The following CSGALNACT1 variants were observed in gnomAD, a reference collection of about 807,000 sequenced individuals.
CSGALNACT1 encodes the protein beta4GalNAcT-1.
A neutral mutation model predicts 51.0 loss-of-function variants in CSGALNACT1; 52 were observed. The observed-to-expected ratio is 1.02, with a 90% CI of 0.82 to 1.29. CSGALNACT1 has a LOEUF of 1.29. Among genes scored for constraint, CSGALNACT1 ranks in the 50% most tolerant of loss-of-function variants. CSGALNACT1 has a pLI of 0.00. For synonymous variants in CSGALNACT1, 341 were observed against 254.4 expected (o/e 1.34, Z -3.24); for missense variants, 935 against 679.2 (o/e 1.38, Z -4.19).
At chr8:19,673,504 G>T (rs1352099753) in intron 1 of CSGALNACT1, among the ~76,000 whole-genome samples, 1 of 152,180 alleles carries the variant, frequency 6.6e-6, no homozygotes, top group Non-Finnish European at 1.5e-5. Context: ...CTTCCACACT[G>T]TTACACACCA....
chr8:19,632,532 A>C (rs780513422), intron 1 of CSGALNACT1, among the ~76,000 whole-genome samples: 4 of 152,074 alleles, frequency 2.6e-5, no homozygotes, highest in Non-Finnish European at 4.4e-5. Flanking sequence ...CTCGGTTTTT[A>C]ATTGCTGCAT....
chr8:19,528,672 T>C (rs2082181054), intron 3 of CSGALNACT1, among the ~76,000 whole-genome samples: 1 of 152,158 alleles, frequency 6.6e-6, no homozygotes, highest in African/African-American at 2.4e-5. Flanking sequence ...GACCCAAATC[T>C]GTATGATGGG....
chr8:19,648,683 A>G (rs949020631), intron 1 of CSGALNACT1, among the ~76,000 whole-genome samples: 6 of 152,118 alleles, frequency 3.9e-5, no homozygotes, highest in South Asian at 2.1e-4. Context: ...TGGTACCTGT[A>G]GTCCCAGGTA....
intron 4 of CSGALNACT1, among the ~76,000 whole-genome samples, chr8:19,487,417 T>C (rs1288997104): frequency 6.6e-6 from 1 of 151,928 alleles, no homozygotes; most frequent in Non-Finnish European, 1.5e-5. Flanking sequence ...GACAGGGAGG[T>C]TCCAGGACAC....
chr8:19,456,112 T>G (rs2064032579), intron 5 of CSGALNACT1, among the ~76,000 whole-genome samples: 1 of 152,254 alleles, frequency 6.6e-6, no homozygotes, highest in African/African-American at 2.4e-5. Context: ...TTGAGGCTTG[T>G]AAGCTACTCA....
chr8:19,716,730 T>G (rs2062834589), intron 1 of CSGALNACT1, among the ~76,000 whole-genome samples: 1 of 150,966 alleles, frequency 6.6e-6, no homozygotes, highest in African/African-American at 2.4e-5. Flanking sequence ...AGGCAGAAGT[T>G]GTAGTGGGCC....
chr8:19,596,754 C>A (rs1355293817), intron 2 of CSGALNACT1, among the ~76,000 whole-genome samples: 2 of 152,008 alleles, frequency 1.3e-5, no homozygotes, highest in Non-Finnish European at 2.9e-5. Flanking sequence ...AATCTAATTC[C>A]TTTCAATTAT....
At chr8:19,686,416 C>T (rs1046222305), upstream of CSGALNACT1, among the ~76,000 whole-genome samples, 1 of 152,202 alleles carries the variant, frequency 6.6e-6, no homozygotes, top group Non-Finnish European at 1.5e-5. Flanking sequence ...AGGAGTCTTG[C>T]TGCCACAGCC....
chr8:19,543,373 T>G (rs570405723), intron 3 of CSGALNACT1, among the ~76,000 whole-genome samples: 4 of 152,340 alleles, frequency 2.6e-5, no homozygotes, highest in African/African-American at 9.6e-5. Context: ...AGATCCGCCC[T>G]TGACAATGTC....
exon 10 of CSGALNACT1, chr8:19,405,711 CT>C: frequency 6.3e-7 from 1 of 1,596,460 alleles, no homozygotes; most frequent in Non-Finnish European, 8.6e-7. Flanking sequence ...AGTCTTTTCT[CT>C]GTTGCAGCCA....
intron 3 of CSGALNACT1, among the ~76,000 whole-genome samples, chr8:19,562,144 C>G (rs760594307): frequency 1.3e-5 from 2 of 152,182 alleles, no homozygotes; most frequent in Non-Finnish European, 2.9e-5. Flanking sequence ...ACAGACCCCC[C>G]ACAGCCAAAC....
chr8:19,460,222 C>T (rs143607856), intron 4 of CSGALNACT1, among the ~76,000 whole-genome samples: 17 of 152,206 alleles, frequency 1.1e-4, no homozygotes, highest in African/African-American at 3.6e-4. Flanking sequence ...ACCTGAAGTA[C>T]AATACCTTTT....
chr8:19,738,626 T>A (rs2064130198), intron 1 of CSGALNACT1, among the ~76,000 whole-genome samples: 1 of 152,122 alleles, frequency 6.6e-6, no homozygotes, highest in Non-Finnish European at 1.5e-5. Flanking sequence ...GTAAAAATAA[T>A]GAATTTTATA....
rs529121206 is a variant in CSGALNACT1 at position 19,513,640 on chromosome 8, T to C, written c.-296-7510A>G. 1.6e-4 allele frequency among the ~76,000 whole-genome samples: 25 copies of C among 152,048 alleles called. 1 individual carries two copies. The South Asian group carries it at 4.2e-3, about 25-fold the overall frequency. ...TGAGAGATGCATCATCAGGCAATTT[T>C]GTTGTTGTGTGAAGATCATGGAGTG... On this transcript the variant is annotated intron_variant, in intron 3 of 9. Coordinates refer to ENST00000454498, the Ensembl canonical transcript of CSGALNACT1.
chr8:19,629,632 C>T (rs1246876017), intron 1 of CSGALNACT1, among the ~76,000 whole-genome samples: 2 of 152,206 alleles, frequency 1.3e-5, no homozygotes, highest in Non-Finnish European at 2.9e-5. Flanking sequence ...CAGCCCCCTA[C>T]TCCAGCCCTA....
intron 6 of CSGALNACT1, among the ~76,000 whole-genome samples, chr8:19,436,767 C>T (rs900804159): frequency 9.2e-5 from 14 of 151,920 alleles, no homozygotes; most frequent in South Asian, 2.1e-4. Flanking sequence ...AAAAATTAGC[C>T]GGGCATGGTG....
intron 1 of CSGALNACT1, among the ~76,000 whole-genome samples, chr8:19,668,040 T>C (rs73214694): frequency 0.098 from 14,847 of 152,184 alleles, 908 homozygotes; most frequent in African/African-American, 0.16. Context: ...ATATAAAAAC[T>C]TGACCAGCAT....
At chr8:19,435,571 C>T (rs2060253795) in intron 6 of CSGALNACT1, among the ~76,000 whole-genome samples, 1 of 152,198 alleles carries the variant, frequency 6.6e-6, no homozygotes, top group South Asian at 2.1e-4. Flanking sequence ...GTCCATGAAC[C>T]ACCCACATCA....
At chr8:19,439,980 G>A (rs1183080731) in intron 5 of CSGALNACT1, 49 bp from the exon 5 acceptor site, 1 of 1,459,754 alleles carries the variant, frequency 6.9e-7, no homozygotes, top group South Asian at 1.1e-5. Flanking sequence ...CACACTGACA[G>A]GCACAGCACA....
Sources: gnomAD v4.1 joint callset for allele counts (sites outside exome capture counted in the v4.1 genomes callset) on GRCh38, gnomAD v4.1.1 for gene constraint, MANE v1.5 for transcripts, NCBI Gene and HGNC (gene_info 2026-07-23, HGNC 2026-07-21) for gene names.